CTNND2: variants seen among roughly 807,000 people sequenced by gnomAD.
CTNND2 encodes the protein catenin delta-2.
In CTNND2, 22 loss-of-function variants were observed where a neutral mutation model predicts 144.4. The ratio of observed to expected loss-of-function variants is 0.15; its 90% CI spans 0.11 to 0.22. The LOEUF (loss-of-function observed/expected upper bound fraction) is 0.22, where lower values mean the gene tolerates loss of function less well. Ranked by LOEUF, CTNND2 falls within the 10% of genes least tolerant of loss-of-function variation. CTNND2 has a pLI of 1.00. For synonymous variants in CTNND2, 751 were observed against 695.6 expected (o/e 1.08, Z -1.25); for missense variants, 1,353 against 1,618.8 (o/e 0.84, Z 2.82).
chr5:11,415,557 G>T (rs900364882), intron 3 of CTNND2, among the ~76,000 whole-genome samples: 3 of 152,148 alleles, frequency 2.0e-5, no homozygotes, highest in Non-Finnish European at 4.4e-5. Flanking sequence ...AGTGAGCTGA[G>T]ATTGCGCCAC....
intron 6 of CTNND2, among the ~76,000 whole-genome samples, chr5:11,389,894 T>A (rs1484682848): frequency 6.6e-6 from 1 of 152,248 alleles, no homozygotes; most frequent in Non-Finnish European, 1.5e-5. Context: ...TTATTTAAAA[T>A]GTCATATAAA....
At chr5:11,126,243 G>T (rs1056491722) in intron 12 of CTNND2, among the ~76,000 whole-genome samples, 7 of 152,196 alleles carry the variant, frequency 4.6e-5, no homozygotes, top group Non-Finnish European at 1.0e-4. Flanking sequence ...GGAGGTTGCG[G>T]TGAGCTGAGA....
chr5:11,438,710 C>G (rs1370786717), intron 3 of CTNND2, among the ~76,000 whole-genome samples: 1 of 152,160 alleles, frequency 6.6e-6, no homozygotes, highest in Non-Finnish European at 1.5e-5. Flanking sequence ...CAACAATGTC[C>G]TAATTACTTA....
rs77873672 is a variant in CTNND2 at position 11,152,809 on chromosome 5, C to A, written c.2159+6767G>T. Among the ~76,000 whole-genome samples the A allele has an allele frequency of 6.4e-3, 979 of 152,304 alleles. 13 individuals are homozygous for A. Among genetic ancestry groups the A allele is most frequent in the Middle Eastern group, 0.02 (6 of 294 alleles). On this transcript the variant is annotated intron_variant, in intron 12 of 21. Coordinates refer to ENST00000304623, the MANE Select transcript of CTNND2 (RefSeq NM_001332.4). ...CTGACTCAATAAAATCACTTCACAT[C>A]TTTACTAGACACACTGATCAGGACT...
chr5:11,662,273 G>GTGTA (rs1397026020), intron 2 of CTNND2, among the ~76,000 whole-genome samples: 37 of 134,122 alleles, frequency 2.8e-4, no homozygotes, highest in Admixed American at 3.8e-4. Flanking sequence ...GTGTGTGTGT[G>GTGTA]TATATATATA....
chr5:11,788,197 G>T (rs1212358476), intron 1 of CTNND2, among the ~76,000 whole-genome samples: 1 of 152,084 alleles, frequency 6.6e-6, no homozygotes, highest in Non-Finnish European at 1.5e-5. Context: ...CAAAAAATAT[G>T]TATCATAATA....
chr5:11,316,333 C>T (rs1297481247), intron 9 of CTNND2, among the ~76,000 whole-genome samples: 1 of 152,098 alleles, frequency 6.6e-6, no homozygotes, highest in Non-Finnish European at 1.5e-5. Flanking sequence ...TCAAACAATT[C>T]TCGTGCCTCA....
At chr5:11,680,207 G>A (rs1401746174) in intron 2 of CTNND2, among the ~76,000 whole-genome samples, 7 of 152,064 alleles carry the variant, frequency 4.6e-5, no homozygotes, top group Admixed American at 4.6e-4. Context: ...AACAGCAGGT[G>A]GATATCACCA....
chr5:11,707,167 T>G (rs1023070323), intron 2 of CTNND2, among the ~76,000 whole-genome samples: 2 of 151,952 alleles, frequency 1.3e-5, no homozygotes, highest in African/African-American at 4.8e-5. Context: ...AACACAGCAC[T>G]TCTGAGATTT....
At chr5:11,031,131 G>A (rs747490738) in intron 16 of CTNND2, among the ~76,000 whole-genome samples, 2 of 152,140 alleles carry the variant, frequency 1.3e-5, no homozygotes, top group Non-Finnish European at 2.9e-5. Flanking sequence ...ACATAAAGTG[G>A]ATGAGGAGGG....
intron 3 of CTNND2, among the ~76,000 whole-genome samples, chr5:11,459,968 T>C (rs981791559): frequency 5.3e-5 from 8 of 152,212 alleles, no homozygotes; most frequent in African/African-American, 1.9e-4. Context: ...ACTATTCTTA[T>C]ATTGCAAAAT....
chr5:11,508,089 G>A (rs997124055), intron 3 of CTNND2, among the ~76,000 whole-genome samples: 4 of 151,954 alleles, frequency 2.6e-5, no homozygotes, highest in Non-Finnish European at 5.9e-5. Flanking sequence ...TTTATGTTAC[G>A]GTTGTTAGGA....
chr5:11,741,698 C>T (rs1482781128), intron 1 of CTNND2, among the ~76,000 whole-genome samples: 4 of 150,542 alleles, frequency 2.7e-5, no homozygotes, highest in Admixed American at 1.3e-4. Context: ...TACACATGTA[C>T]CCTAGAACTT....
At chr5:11,323,082 C>T (rs559863653) in intron 9 of CTNND2, among the ~76,000 whole-genome samples, 7 of 152,068 alleles carry the variant, frequency 4.6e-5, no homozygotes, top group African/African-American at 9.7e-5. Context: ...TGTCTTGCCC[C>T]GGCTTGAGTA....
intron 10 of CTNND2, among the ~76,000 whole-genome samples, chr5:11,231,617 T>C (rs1741032241): frequency 6.6e-6 from 1 of 152,272 alleles, no homozygotes; most frequent in East Asian, 1.9e-4. Context: ...CAGAAGAAAT[T>C]TCTAGGCCAC....
chr5:11,737,001 CTG>C (rs1375279797), intron 1 of CTNND2, among the ~76,000 whole-genome samples: 1 of 151,218 alleles, frequency 6.6e-6, no homozygotes, highest in Admixed American at 6.6e-5. Context: ...ATTCAATAAT[CTG>C]TACATGTTGA....
rs758664581 is a variant in CTNND2 at position 11,117,481 on chromosome 5, G to C, written c.2246C>G (p.Ser749Cys). Residue 749 changes from serine to cysteine, a missense_variant, in exon 13 of 22, where the codon TCT (serine) becomes TGT (cysteine). Coordinates refer to ENST00000304623, the MANE Select transcript of CTNND2 (RefSeq NM_001332.4). The stretch of plus-strand genomic sequence containing the variant: ...ATCGATCTCACTGCTCCCCAGCGCA[G>C]ACTGGATCACGTACAGCAAGGCATC... ...LTDALLYVIQSALGSSEIDSK... is the reference protein window; with the variant it reads ...LTDALLYVIQCALGSSEIDSK... The C allele has an allele frequency of 2.4e-5, 39 of 1,613,968 alleles. No homozygotes were observed. Among genetic ancestry groups the C allele is most frequent in the Non-Finnish European group, 3.3e-5 (39 of 1,179,998 alleles).
chr5:11,757,511 A>T (rs1007884317), intron 1 of CTNND2, among the ~76,000 whole-genome samples: 1 of 151,906 alleles, frequency 6.6e-6, no homozygotes, highest in Non-Finnish European at 1.5e-5. Flanking sequence ...GAATACAAAC[A>T]TCTTAAGCTG....
chr5:11,261,769 G>C (rs150108475), intron 9 of CTNND2, among the ~76,000 whole-genome samples: 1 of 152,206 alleles, frequency 6.6e-6, no homozygotes. Context: ...AAGAAAGGGA[G>C]AGCATGAGAA....
Sources: gnomAD v4.1 joint callset for allele counts (sites outside exome capture counted in the v4.1 genomes callset) on GRCh38, gnomAD v4.1.1 for gene constraint, MANE v1.5 for transcripts, NCBI Gene and HGNC (gene_info 2026-07-23, HGNC 2026-07-21) for gene names.